VWA8: variants seen among roughly 807,000 people sequenced by gnomAD.
The protein encoded by VWA8 is von Willebrand factor A domain containing 8.
A neutral mutation model predicts 241.5 loss-of-function variants in VWA8; 221 were observed. The ratio of observed to expected loss-of-function variants is 0.91; its 90% confidence interval spans 0.82 to 1.02. The LOEUF (loss-of-function observed/expected upper bound fraction) is 1.02. VWA8 is among the 50% of genes least tolerant of loss of function. The pLI, the probability that VWA8 is intolerant of heterozygous loss-of-function variation, is 0.00. For missense variants in VWA8, 2,322 were observed against 2,328.7 expected, an observed-to-expected ratio of 1.00 and a Z score of 0.06; for synonymous variants, 852 against 827.1, an observed-to-expected ratio of 1.03 and a Z score of -0.52.
chr13:41,790,682 C>T (rs1869415842), intron 17 of VWA8, among the ~76,000 whole-genome samples: 2 of 151,816 alleles, frequency 1.3e-5, no homozygotes, highest in South Asian at 2.1e-4. Context: ...ATTACAGAGA[C>T]CTCTAATTAA....
intron 1 of VWA8, among the ~76,000 whole-genome samples, chr13:41,958,678 ACTGCT>A (rs1228593765): frequency 1.3e-5 from 2 of 152,182 alleles, no homozygotes; most frequent in African/African-American, 4.8e-5. Context: ...CTGGCTCACA[ACTGCT>A]CTTACTCAAG....
Position 41,793,191 on chromosome 13 carries a change from G to T in VWA8, c.2064-5648C>A, listed in dbSNP as rs529577575. 3.9e-4 allele frequency among the ~76,000 whole-genome samples: 60 copies of T among 152,024 alleles called. No individual in the cohort carries two copies. The South Asian group carries it at 0.012, about 30-fold the overall frequency. On this transcript the variant is annotated intron_variant, in intron 17 of 44. Transcript: ENST00000379310. ...GATTTACTAAGTTATATTTGTTTTT[G>T]CTTTGGTTTGTTTTTAGGGCTGGCT... is the stretch of plus-strand genomic sequence containing the variant.
chr13:41,881,732 A>ACC (rs1375019639), intron 9 of VWA8, among the ~76,000 whole-genome samples: 4 of 107,244 alleles, frequency 3.7e-5, no homozygotes, highest in Non-Finnish European at 4.1e-5. Flanking sequence ...CTGGGGGCTG[A>ACC]CCCCCCCACC....
chr13:41,569,752 T>TA (rs1157651319), intron 44 of VWA8, among the ~76,000 whole-genome samples: 2 of 152,032 alleles, frequency 1.3e-5, no homozygotes, highest in South Asian at 2.1e-4. Context: ...TTCAAAAAGA[T>TA]AAATGTTATT....
intron 9 of VWA8, among the ~76,000 whole-genome samples, chr13:41,881,387 G>C (rs181548747): frequency 0.17 from 5,365 of 32,092 alleles, 1,366 homozygotes; most frequent in African/African-American, 0.26. Context: ...GGGGGGGGGG[G>C]GGGGTAAGGT....
At position 41,674,681 on chromosome 13, in the gene VWA8, A is replaced by G. The variant is rs71427489; in HGVS notation, c.4409+534T>C. ...CTGTTTTTAAATCCTCAGTTTACCTAGTTTAAATGCTTTGCTTCCATAGTG... is the reference window on the plus strand; with the variant it reads ...CTGTTTTTAAATCCTCAGTTTACCTGGTTTAAATGCTTTGCTTCCATAGTG... On this transcript the variant is annotated intron_variant, in intron 36 of 44. Coordinates refer to ENST00000379310, the MANE Select transcript of VWA8 (RefSeq NM_015058.2). Among the ~76,000 whole-genome samples the G allele has an allele frequency of 7.9e-3, 1,196 of 152,298 alleles. 7 individuals are homozygous for G. The highest frequency in any genetic ancestry group is 0.016 in the African/African-American group (654 of 41,576).
At chr13:41,829,825 T>C (rs894014216) in intron 14 of VWA8, among the ~76,000 whole-genome samples, 11 of 151,990 alleles carry the variant, frequency 7.2e-5, no homozygotes, top group Non-Finnish European at 1.6e-4. Flanking sequence ...AAAGACTACA[T>C]ATCAGGTACA....
At chr13:41,868,577 A>C (rs991514834) in intron 9 of VWA8, 100 bp from the exon 10 acceptor site, 40 of 1,348,612 alleles carry the variant, frequency 3.0e-5, no homozygotes, top group Non-Finnish European at 3.8e-5. Context: ...AATCCATTTT[A>C]TATTATTATA....
At chr13:41,718,697 TTATATA>T in intron 26 of VWA8, among the ~76,000 whole-genome samples, 1 of 148,622 alleles carries the variant, frequency 6.7e-6, no homozygotes, top group African/African-American at 2.5e-5. Context: ...ACTTTGGAGA[TTATATA>T]TATATATATA....
At chr13:41,861,823 A>T (rs1873020409) in intron 12 of VWA8, among the ~76,000 whole-genome samples, 3 of 152,170 alleles carry the variant, frequency 2.0e-5, no homozygotes, top group Admixed American at 2.0e-4. Context: ...AAGTGAAAAA[A>T]ACATGCTGTG....
chr13:41,726,540 G>C (rs1339708452), intron 24 of VWA8, among the ~76,000 whole-genome samples: 1 of 152,148 alleles, frequency 6.6e-6, no homozygotes. Flanking sequence ...TGGTTAGGGG[G>C]ATGTGACAAA....
At chr13:41,571,909 C>G (rs887630130) in intron 43 of VWA8, among the ~76,000 whole-genome samples, 12 of 151,958 alleles carry the variant, frequency 7.9e-5, no homozygotes, top group African/African-American at 2.7e-4. Flanking sequence ...TGAGGAGTGT[C>G]TCTGCCCGGC....
intron 17 of VWA8, among the ~76,000 whole-genome samples, chr13:41,788,874 A>G (rs1869325280): frequency 6.6e-6 from 1 of 152,190 alleles, no homozygotes; most frequent in Non-Finnish European, 1.5e-5. Flanking sequence ...ACACGTATAT[A>G]GTCTGCGTGT....
chr13:41,706,283 C>A (rs375836558), intron 26 of VWA8, among the ~76,000 whole-genome samples: 1 of 152,208 alleles, frequency 6.6e-6, no homozygotes, highest in African/African-American at 2.4e-5. Context: ...ATAGCACTGG[C>A]TGTTTGGTTG....
chr13:41,752,731 G>T lies in VWA8; in HGVS notation c.2426+8397C>A, dbSNP rs115411342. 7.2e-3 allele frequency among the ~76,000 whole-genome samples: 1,094 copies of T among 152,274 alleles called. 14 individuals are homozygous for T. Among genetic ancestry groups the T allele is most frequent in the African/African-American group, 0.024 (1,018 of 41,562 alleles). ...CTTATTATGTTGCCTAAATGTTTAG[G>T]TATCTAAAGGTGCCAGACACTGTGG... On this transcript the variant is annotated intron_variant, in intron 21 of 44. Coordinates refer to ENST00000379310, the MANE Select transcript of VWA8 (RefSeq NM_015058.2).
chr13:41,788,232 T>G (rs865951378), intron 17 of VWA8, among the ~76,000 whole-genome samples: 11 of 152,298 alleles, frequency 7.2e-5, no homozygotes, highest in Middle Eastern at 6.8e-3. Context: ...TACCCATGGT[T>G]TAACTATACC....
intron 4 of VWA8, among the ~76,000 whole-genome samples, chr13:41,894,667 C>A (rs1306166257): frequency 3.3e-5 from 5 of 152,128 alleles, no homozygotes; most frequent in African/African-American, 4.8e-5. Context: ...TATCTCCTCA[C>A]AAAATATTTT....
At chr13:41,898,725 C>T (rs1180599077) in intron 4 of VWA8, among the ~76,000 whole-genome samples, 5 of 152,188 alleles carry the variant, frequency 3.3e-5, no homozygotes, top group South Asian at 4.1e-4. Context: ...GCCTGCCCCG[C>T]GGGAAGGCAG....
In VWA8 at chr13:41,692,871, T is replaced by C; in HGVS notation, c.3666A>G (p.Lys1222=). 6.2e-7 allele frequency: 1 copy of C among 1,609,810 alleles called. No homozygotes were observed. ...FTSKKPFWWN[K]EEAETYKMCK... ...ATGTGGTGTTTCTTACAGCTTCTTC[T>C]TTGTTCCACCAGAAAGGTTTCTTAG... The change falls in exon 30 of 45, where the codon AAA becomes AAG. Residue 1222 remains lysine, a synonymous_variant. Transcript: ENST00000379310.
Sources: gnomAD v4.1 joint callset for allele counts (sites outside exome capture counted in the v4.1 genomes callset) on GRCh38, gnomAD v4.1.1 for gene constraint, MANE v1.5 for transcripts, NCBI Gene and HGNC (gene_info 2026-07-23, HGNC 2026-07-21) for gene names.